The following IGSF22 variants were observed in gnomAD, a reference collection of about 807,000 sequenced individuals.
The protein encoded by IGSF22 is immunoglobulin superfamily member 22.
IGSF22 carries 119 observed loss-of-function variants against 127.0 expected under a neutral mutation model. The ratio of observed to expected loss-of-function variants is 0.94; its 90% CI spans 0.81 to 1.09. The LOEUF is 1.09. Ranked by LOEUF, IGSF22 falls within the 50% of genes least tolerant of loss-of-function variation. The pLI is 0.00. For missense variants in IGSF22, 1,518 were observed against 1,716.6 expected (o/e 0.88, Z 2.04); for synonymous variants, 568 against 664.7 (o/e 0.85, Z 2.24).
At chr11:18,719,485 C>T (rs542434856) in intron 7 of IGSF22, among the ~76,000 whole-genome samples, 103 of 152,280 alleles carry the variant, frequency 6.8e-4, no homozygotes, top group African/African-American at 2.4e-3. Context: ...GGATTTGAAT[C>T]TCGGTCTATC....
In IGSF22 at chr11:18,719,895, T is replaced by G; in HGVS notation, c.519-2A>C. 1 of 1,614,058 alleles carries G rather than the reference T, an allele frequency of 6.2e-7. No homozygotes were observed. Among genetic ancestry groups the G allele is most frequent in the South Asian group, 1.1e-5 (1 of 91,082 alleles). On this transcript the variant is annotated splice_acceptor_variant, in intron 6 of 22. Coordinates refer to ENST00000513874, the MANE Select transcript of IGSF22 (RefSeq NM_173588.4). LOFTEE classifies it high-confidence loss of function. ...TTCTTCTTGGGAGCAGGGGGTGCCC[T>G]AGGAGAAGGAGGAAGGGACTAAGCT...
chr11:18,718,123 T>G lies in IGSF22; in HGVS notation c.811-30A>C, dbSNP rs773010455. The G allele has an allele frequency of 9.3e-6, 15 of 1,607,172 alleles. No homozygotes were observed. The Admixed American group carries it at 1.2e-4, about 13-fold the overall frequency. Reference sequence around the variant, plus strand: ...CTCATGGAACAGGTAGGAAAGCTGATGAAGGGCTTTAGGAGGAAGCTTCCA... The same window carrying G: ...CTCATGGAACAGGTAGGAAAGCTGAGGAAGGGCTTTAGGAGGAAGCTTCCA... On this transcript the variant is annotated intron_variant, in intron 8 of 22. Transcript: ENST00000513874.
In IGSF22 at chr11:18,707,925, C is replaced by T. The variant is rs1312892262; in HGVS notation, c.3159G>A (p.Lys1053=). ...TGAGGAACTGGGAGTGGTTTTTGCT[C>T]TTGGTAATTGTCTCTCGGCCCTTGG... ...VPTKGRETIT[K]SKNHSQFLIN... Residue 1053 remains lysine (K), a synonymous_variant, in exon 20 of 23, where the codon AAG becomes AAA. Coordinates refer to ENST00000513874, the MANE Select transcript of IGSF22 (RefSeq NM_173588.4). 6.2e-7 allele frequency: 1 copy of T among 1,614,068 alleles called. No homozygotes were observed. The highest frequency in any genetic ancestry group is 8.5e-7 in the Non-Finnish European group (1 of 1,180,038).
At chr11:18,707,263 A>C in intron 20 of IGSF22, 50 bp from the exon 21 acceptor site, 1 of 1,449,976 alleles carries the variant, frequency 6.9e-7, no homozygotes, top group Admixed American at 2.4e-5. Flanking sequence ...CTGAAGTATT[A>C]TGTCCCCACC....
Position 18,710,697 on chromosome 11 carries a change from C to A in IGSF22, c.2530G>T (p.Gly844Cys). Reference sequence around the variant, plus strand: ...TTGACTGGCACCCACAGGTTGCTGCCTTTCTTCCTTCGTTCTACAATGTAG... The same window carrying A: ...TTGACTGGCACCCACAGGTTGCTGCATTTCTTCCTTCGTTCTACAATGTAG... ...LGYIVERRKK[G>C]SNLWVPVNKD... Residue 844 changes from glycine (G) to cysteine (C), a missense_variant, in exon 16 of 23, where the codon GGC becomes TGC. Physicochemically the swap from Gly to Cys is radical, Grantham distance 159 (BLOSUM62 -3). Transcript: ENST00000513874. The A allele has an allele frequency of 6.2e-7, 1 of 1,613,986 alleles. No homozygotes were observed. Among genetic ancestry groups the A allele is most frequent in the Non-Finnish European group, 8.5e-7 (1 of 1,179,800 alleles).
chr11:18,705,790 C>T, intron 22 of IGSF22, 27 bp downstream of exon 22: 1 of 1,516,140 alleles, frequency 6.6e-7, no homozygotes, highest in Non-Finnish European at 8.9e-7. Flanking sequence ...TCCCCCTCCT[C>T]GAGGCCGGAC....
chr11:18,721,319 G>C (rs939225248), intron 4 of IGSF22, among the ~76,000 whole-genome samples: 5 of 152,204 alleles, frequency 3.3e-5, no homozygotes, highest in Admixed American at 1.3e-4. Flanking sequence ...CTGCCCCGGG[G>C]GTACTTTGGG....
intron 22 of IGSF22, among the ~76,000 whole-genome samples, chr11:18,705,214 A>G (rs1257226620): frequency 1.3e-5 from 2 of 152,166 alleles, no homozygotes; most frequent in African/African-American, 4.8e-5. Flanking sequence ...GGGAAATTTA[A>G]GCAACAGAAA....
rs1456364543 is a variant in IGSF22 at position 18,718,026 on chromosome 11, T to C, written c.878A>G (p.Tyr293Cys). 6.2e-7 allele frequency: 1 copy of C among 1,614,220 alleles called. No individual in the cohort carries two copies. Among genetic ancestry groups the C allele is most frequent in the Non-Finnish European group, 8.5e-7 (1 of 1,180,036 alleles). ...GTTCACGTTGCTAATAACCAGCATG[T>C]ACTTGGTGCCCATCTGCTTCACATC... ...KYDVKQMGTKYMLVISNVNMN... is the reference protein window; with the variant it reads ...KYDVKQMGTKCMLVISNVNMN... The change falls in exon 9 of 23, where the codon TAC (tyrosine) becomes TGC (cysteine). Residue 293 changes from tyrosine to cysteine, a missense_variant. By Grantham distance (194) the Tyr-to-Cys change is radical (BLOSUM62 -2). Coordinates refer to ENST00000513874, the MANE Select transcript of IGSF22 (RefSeq NM_173588.4).
chr11:18,721,498 C>T (rs763790741), intron 4 of IGSF22, 37 bp downstream of exon 4: 1 of 1,613,730 alleles, frequency 6.2e-7, no homozygotes, highest in Non-Finnish European at 8.5e-7. Context: ...CTGCCTCTGG[C>T]CTTCTCGGTA....
intron 7 of IGSF22, 61 bp downstream of exon 7, chr11:18,719,655 A>T: frequency 3.9e-6 from 6 of 1,539,226 alleles, no homozygotes; most frequent in Non-Finnish European, 5.3e-6. Flanking sequence ...CACAGGCACT[A>T]GCACTTTGGG....
Position 18,713,906 on chromosome 11 carries a change from T to G in IGSF22, c.2041A>C (p.Lys681Gln). 1 of 1,614,242 alleles carries G rather than the reference T, an allele frequency of 6.2e-7. No homozygotes were observed. The highest frequency in any genetic ancestry group is 8.5e-7 in the Non-Finnish European group (1 of 1,180,050). ...VREDSGLILL[K>Q]LKNDHGSATA... ...GCTGAGCCGTGGTCATTCTTGAGCT[T>G]GAGCAGGATGAGGCCGCTGTCTTCA... The change falls in exon 14 of 23, where the codon AAG (lysine) becomes CAG (glutamine). Residue 681 changes from lysine to glutamine, a missense_variant. By Grantham distance (53) the Lys-to-Gln change is moderately conservative. This residue lies in a region of IGSF22 where 1,456 missense variants were observed against 1,644.9 expected (regional missense o/e 0.89). Coordinates refer to ENST00000513874, the MANE Select transcript of IGSF22 (RefSeq NM_173588.4).
At position 18,709,342 on chromosome 11, in the gene IGSF22, G is replaced by A. The variant is rs375037774; in HGVS notation, c.2998+45C>T. On this transcript the variant is annotated intron_variant, in intron 18 of 22. Coordinates refer to ENST00000513874, the MANE Select transcript of IGSF22 (RefSeq NM_173588.4). This position sits in a 1 kb window ranked among gnomAD's most constrained non-coding sequence, Gnocchi z 4.8. The stretch of plus-strand genomic sequence containing the variant: ...GAGGCCCCAGAGGAGAAGGTTTGGA[G>A]GTACAATGTTGGGCATGAATCCCCA... The A allele has an allele frequency of 1.9e-6, 3 of 1,572,882 alleles. No homozygotes were observed. In the African/African-American group the frequency reaches 4.0e-5, roughly 21 times the overall value.
intron 16 of IGSF22, 67 bp from the exon 17 acceptor site, chr11:18,710,522 C>A: frequency 6.2e-7 from 1 of 1,601,474 alleles, no homozygotes; most frequent in Non-Finnish European, 8.5e-7. Flanking sequence ...GAGTGAGAGA[C>A]ATAGAAGAGG....
At position 18,709,610 on chromosome 11, in the gene IGSF22, C is replaced by T. The variant is rs1265815461; in HGVS notation, c.2775G>A (p.Glu925=). ...SNSSISLAWR[E]PAEGDPPSGY... is the part of the protein sequence containing the mutation. ...CAGAGGGTGGGTCTCCCTCTGCAGGCTCCCGCCAGGCCAGGGAAATGCTGG... is the reference window on the plus strand; with the variant it reads ...CAGAGGGTGGGTCTCCCTCTGCAGGTTCCCGCCAGGCCAGGGAAATGCTGG... The change falls in exon 18 of 23, where the codon GAG becomes GAA. Residue 925 remains glutamate (E), a synonymous_variant. Transcript: ENST00000513874. This position sits in a 1 kb window ranked among gnomAD's most constrained non-coding sequence, Gnocchi z 4.8. 2 of 1,614,196 alleles carry T rather than the reference C, an allele frequency of 1.2e-6. No homozygotes were observed. Among genetic ancestry groups the T allele is most frequent in the Admixed American group, 1.7e-5 (1 of 60,034 alleles).
intron 19 of IGSF22, 102 bp from the exon 20 acceptor site, chr11:18,708,098 G>A: frequency 6.5e-7 from 1 of 1,534,220 alleles, no homozygotes; most frequent in Middle Eastern, 1.8e-4. Flanking sequence ...GTCGCACTAG[G>A]GGTCTGGTGA....
In IGSF22 at chr11:18,713,935, A is replaced by T. The variant is rs1237588280; in HGVS notation, c.2012T>A (p.Val671Glu). ...CAGGATGAGGCCGCTGTCTTCACGCACACAGTTGGAGATGGTGAGCAGTGC... is the reference window on the plus strand; with the variant it reads ...CAGGATGAGGCCGCTGTCTTCACGCTCACAGTTGGAGATGGTGAGCAGTGC... ...DQALLTISNC[V>E]REDSGLILLK... The change falls in exon 14 of 23, where the codon GTG (valine) becomes GAG (glutamate). Residue 671 changes from valine to glutamate, a missense_variant. This residue lies in a region of IGSF22 where 1,456 missense variants were observed against 1,644.9 expected (regional missense o/e 0.89). Coordinates refer to ENST00000513874, the MANE Select transcript of IGSF22 (RefSeq NM_173588.4). 1 of 1,614,268 alleles carries T rather than the reference A, an allele frequency of 6.2e-7. No homozygotes were observed. The highest frequency in any genetic ancestry group is 8.5e-7 in the Non-Finnish European group (1 of 1,180,048).
chr11:18,714,349 C>T lies in IGSF22; in HGVS notation c.1726G>A (p.Gly576Ser), dbSNP rs1848417569. 6.2e-7 allele frequency: 1 copy of T among 1,614,094 alleles called. No homozygotes were observed. The highest frequency in any genetic ancestry group is 1.3e-5 in the African/African-American group (1 of 74,930). ...AVHKLIFPSM[G>S]PEHEGKYTFR... ...GTGTACTTGCCCTCGTGCTCAGGGC[C>T]CATACTGGGAAAGATGAGCTTGTGC... The change falls in exon 13 of 23, where the codon GGC becomes AGC. Residue 576 changes from glycine to serine, a missense_variant. By Grantham distance (56) the Gly-to-Ser change is moderately conservative (BLOSUM62 0). Transcript: ENST00000513874.
At chr11:18,724,707 C>G (rs563069089) in intron 1 of IGSF22, among the ~76,000 whole-genome samples, 1 of 152,332 alleles carries the variant, frequency 6.6e-6, no homozygotes, top group Non-Finnish European at 1.5e-5. Context: ...TTCCTGGGCC[C>G]TGGGGACCCC....
Sources: allele counts gnomAD v4.1 joint callset (sites outside exome capture counted in the v4.1 genomes callset), GRCh38; gene constraint gnomAD v4.1.1; regional missense constraint gnomAD v4.1.1; non-coding constraint Gnocchi (gnomAD v3.1); transcripts MANE v1.5; gene names NCBI Gene and HGNC (gene_info 2026-07-23, HGNC 2026-07-21).